GPR137B: variants seen among roughly 807,000 people sequenced by gnomAD.
GPR137B encodes the protein integral membrane protein GPR137B.
In GPR137B, 42 loss-of-function variants were observed where a neutral mutation model predicts 42.5. The ratio of observed to expected loss-of-function variants is 0.99; its 90% CI spans 0.77 to 1.28. The LOEUF is 1.28. GPR137B is among the 50% of genes most tolerant of loss of function. GPR137B has a pLI of 0.00. For synonymous variants in GPR137B, 218 were observed against 209.7 expected, an observed-to-expected ratio of 1.04 and a Z score of -0.34; for missense variants, 487 against 493.9, an observed-to-expected ratio of 0.99 and a Z score of 0.13.
intron 5 of GPR137B, among the ~76,000 whole-genome samples, chr1:236,198,771 G>A (rs1406825592): frequency 4.6e-5 from 7 of 152,118 alleles, no homozygotes; most frequent in East Asian, 3.8e-4. Context: ...CAGCTTGGTC[G>A]TTGTTGGTGA....
chr1:236,192,194 G>C (rs1424537616), intron 5 of GPR137B, among the ~76,000 whole-genome samples: 1 of 152,104 alleles, frequency 6.6e-6, no homozygotes, highest in Non-Finnish European at 1.5e-5. Flanking sequence ...AGTGTCCCAG[G>C]TCGACCTCAG....
rs1003463780 is a variant in GPR137B at position 236,208,464 on chromosome 1, T to C, written c.*306T>C. ...GCTAAAGTATACTAGGGTTTTTTTT[T>C]CTTGAGAATGTTACTGCAATCATGT... On this transcript the variant is annotated 3_prime_UTR_variant, in exon 7 of 7. Coordinates refer to ENST00000366592, the MANE Select transcript of GPR137B (RefSeq NM_003272.4). 2 of 896,802 alleles carry C rather than the reference T, an allele frequency of 2.2e-6. No individual in the cohort carries two copies. The highest frequency in any genetic ancestry group is 3.6e-5 in the African/African-American group (2 of 56,222). The allele number at this position is 896,802 out of a possible 1,614,324, so 55.6% of individuals were successfully genotyped here.
chr1:236,147,597 G>A (rs1187730269), intron 1 of GPR137B, among the ~76,000 whole-genome samples: 3 of 152,142 alleles, frequency 2.0e-5, no homozygotes, highest in African/African-American at 7.2e-5. Context: ...GTGCCTAGGG[G>A]CCCTCCCACC....
rs981632480 is a variant in GPR137B at position 236,155,559 on chromosome 1, C to T, written c.414+12523C>T. 2.6e-5 allele frequency among the ~76,000 whole-genome samples: 4 copies of T among 152,072 alleles called. No individual in the cohort carries two copies. Among genetic ancestry groups the T allele is most frequent in the African/African-American group, 4.8e-5 (2 of 41,412 alleles). On this transcript the variant is annotated intron_variant, in intron 1 of 6. Coordinates refer to ENST00000366592, the MANE Select transcript of GPR137B (RefSeq NM_003272.4). This position sits in a 1 kb window ranked among gnomAD's most constrained non-coding sequence, Gnocchi z 4.6. Reference sequence around the variant, plus strand: ...TGTGCTCTCTAGAGTCCCGTCTCCTCGCGGGCTGCCTGCTGGGCTGACTTA... The same window carrying T: ...TGTGCTCTCTAGAGTCCCGTCTCCTTGCGGGCTGCCTGCTGGGCTGACTTA...
intron 5 of GPR137B, among the ~76,000 whole-genome samples, chr1:236,189,442 C>T (rs1663126556): frequency 6.6e-6 from 1 of 152,140 alleles, no homozygotes; most frequent in African/African-American, 2.4e-5. Flanking sequence ...CCTGCTTTCT[C>T]TTGTGGGCAT....
intron 1 of GPR137B, among the ~76,000 whole-genome samples, chr1:236,147,161 C>T (rs1470699291): frequency 6.6e-6 from 1 of 152,232 alleles, no homozygotes; most frequent in East Asian, 1.9e-4. Flanking sequence ...CCCACACTGT[C>T]CAAGGCCAGC....
chr1:236,173,611 C>G (rs974413886), intron 2 of GPR137B, among the ~76,000 whole-genome samples: 3 of 152,170 alleles, frequency 2.0e-5, no homozygotes, highest in Non-Finnish European at 1.5e-5. Flanking sequence ...CCTTCTGGTC[C>G]CACAAGCAAT....
At chr1:236,204,963 C>G (rs1663612238) in intron 5 of GPR137B, among the ~76,000 whole-genome samples, 163 bp from the exon 6 acceptor site, 1 of 152,182 alleles carries the variant, frequency 6.6e-6, no homozygotes, top group Non-Finnish European at 1.5e-5. Context: ...GCGAATCCCT[C>G]TCAAACATAA....
In GPR137B at chr1:236,156,657, CTCCGGTG is replaced by C. The variant is rs1662037505; in HGVS notation, c.415-12046_415-12040del. On this transcript the variant is annotated intron_variant, in intron 1 of 6. Coordinates refer to ENST00000366592, the MANE Select transcript of GPR137B (RefSeq NM_003272.4). This position sits in a 1 kb window ranked among gnomAD's most constrained non-coding sequence, Gnocchi z 4.8. ...TCCGGGAACCCTGCAGAAAGGAGAA[CTCCGGTG>C]TCTGGATTTCGGGGACCGACTGTCT... Among the ~76,000 whole-genome samples the C allele has an allele frequency of 1.3e-5, 2 of 152,224 alleles. No individual in the cohort carries two copies. The highest frequency in any genetic ancestry group is 2.1e-4 in the South Asian group (1 of 4,832).
At position 236,142,766 on chromosome 1, in the gene GPR137B, C is replaced by G. The variant is rs1345768364; in HGVS notation, c.144C>G (p.Val48=). ...PPYVKLGLTV[V]YTVFYALLFV... is the part of the protein sequence containing the mutation. ...ACGTGAAGCTTGGCCTCACCGTCGT[C>G]TACACCGTGTTCTACGCGCTGCTCT... The change falls in exon 1 of 7, where the codon GTC becomes GTG. Residue 48 remains valine, a synonymous_variant. Coordinates refer to ENST00000366592, the MANE Select transcript of GPR137B (RefSeq NM_003272.4). The G allele has an allele frequency of 5.6e-6, 9 of 1,613,494 alleles. No homozygotes were observed. Among genetic ancestry groups the G allele is most frequent in the African/African-American group, 5.3e-5 (4 of 74,934 alleles).
intron 5 of GPR137B, among the ~76,000 whole-genome samples, chr1:236,190,818 ATG>A (rs1323500990): frequency 4.6e-5 from 7 of 151,424 alleles, no homozygotes; most frequent in Admixed American, 4.6e-4. Context: ...TCTGACGATT[ATG>A]TGTCTTGCCC....
At chr1:236,174,137 C>T (rs1662621336) in intron 2 of GPR137B, among the ~76,000 whole-genome samples, 1 of 152,108 alleles carries the variant, frequency 6.6e-6, no homozygotes, top group Admixed American at 6.6e-5. Flanking sequence ...ATTTTGCATC[C>T]TGACTTTTTA....
At chr1:236,164,591 C>T (rs1662293488) in intron 1 of GPR137B, among the ~76,000 whole-genome samples, 1 of 152,210 alleles carries the variant, frequency 6.6e-6, no homozygotes, top group Non-Finnish European at 1.5e-5. Context: ...CAGTCTTTAG[C>T]AAAGTCTCTC....
Position 236,194,254 on chromosome 1 carries a change from G to T in GPR137B, c.966+10348G>T, listed in dbSNP as rs1448183495. On this transcript the variant is annotated intron_variant, in intron 5 of 6. Transcript: ENST00000366592. ...ATAATTTTGAGAAGCATCTGTATTTGCCCCTGAAAACTTGCCCCTATATTT... is the reference window on the plus strand; with the variant it reads ...ATAATTTTGAGAAGCATCTGTATTTTCCCCTGAAAACTTGCCCCTATATTT... 3.9e-5 allele frequency among the ~76,000 whole-genome samples: 6 copies of T among 152,130 alleles called. No homozygotes were observed. The East Asian group carries it at 9.6e-4, about 24-fold the overall frequency.
chr1:236,181,398 C>T (rs1411776181), intron 4 of GPR137B, among the ~76,000 whole-genome samples: 1 of 152,026 alleles, frequency 6.6e-6, no homozygotes, highest in Non-Finnish European at 1.5e-5. Context: ...ACCGAACAGA[C>T]TCATTCCCTG....
chr1:236,183,463 A>G (rs955894332), intron 4 of GPR137B, among the ~76,000 whole-genome samples: 1 of 152,226 alleles, frequency 6.6e-6, no homozygotes, highest in Non-Finnish European at 1.5e-5. Flanking sequence ...ATCAGAGGTT[A>G]GAAGTTTCTG....
At chr1:236,186,225 TATA>T (rs201640602) in intron 5 of GPR137B, among the ~76,000 whole-genome samples, 1,609 of 42,002 alleles carry the variant, frequency 0.038, 140 homozygotes, top group East Asian at 0.15. Context: ...TTATATATAA[TATA>T]ATATATAATA....
At chr1:236,160,926 T>TA (rs397952056) in intron 1 of GPR137B, among the ~76,000 whole-genome samples, 2 of 152,056 alleles carry the variant, frequency 1.3e-5, no homozygotes, top group African/African-American at 2.4e-5. Context: ...TGTTTTTTTT[T>TA]AAATAACAGC....
rs539106783 is a variant in GPR137B at position 236,187,557 on chromosome 1, A to G, written c.966+3651A>G. ...TTCAGTTTTCTGCATATGGCTACCC[A>G]GTTTTCCCAACACCATTTATTAAAT... On this transcript the variant is annotated intron_variant, in intron 5 of 6. Transcript: ENST00000366592. Among the ~76,000 whole-genome samples the G allele has an allele frequency of 9.8e-5, 15 of 152,316 alleles. No individual in the cohort carries two copies. In the East Asian group the frequency reaches 2.1e-3, roughly 22 times the overall value.
Sources: gnomAD v4.1 joint callset for allele counts (sites outside exome capture counted in the v4.1 genomes callset) on GRCh38, gnomAD v4.1.1 for gene constraint, Gnocchi (gnomAD v3.1) non-coding constraint, MANE v1.5 for transcripts, NCBI Gene and HGNC (gene_info 2026-07-23, HGNC 2026-07-21) for gene names.